RETREG1: variants seen among roughly 807,000 people sequenced by gnomAD.
RETREG1 encodes family with sequence similarity 134 member B.
A neutral mutation model predicts 54.8 loss-of-function variants in RETREG1; 44 were observed. The observed-to-expected ratio is 0.80, with a 90% CI of 0.63 to 1.03. The LOEUF is 1.03. RETREG1 is among the 50% of genes least tolerant of loss of function. The probability of loss-of-function intolerance (pLI) is 0.00; values close to 1 mark genes in which losing one functional copy is unlikely to be tolerated. For missense variants in RETREG1, 554 were observed against 605.1 expected, an observed-to-expected ratio of 0.92 and a Z score of 0.89; for synonymous variants, 217 against 238.5, an observed-to-expected ratio of 0.91 and a Z score of 0.83.
Position 16,474,792 on chromosome 5 carries a change from C to G in RETREG1, c.1443G>C (p.Gln481His), listed in dbSNP as rs768588742. 14 of 1,612,886 alleles carry G rather than the reference C, an allele frequency of 8.7e-6. No individual in the cohort carries two copies. Among genetic ancestry groups the G allele is most frequent in the Non-Finnish European group, 1.1e-5 (13 of 1,179,842 alleles). The change falls in exon 9 of 9, where the codon CAG (glutamine) becomes CAC (histidine). Residue 481 changes from glutamine to histidine, a missense_variant. Gln to His is a conservative substitution (Grantham distance 24). This residue lies in a region of RETREG1 where 30 missense variants were observed against 32.4 expected (regional missense o/e 0.93). Coordinates refer to ENST00000306320, the MANE Select transcript of RETREG1 (RefSeq NM_001034850.3). ...GGAAACCTGAAGACTTCTTATTTTG[C>G]TGTGCTTCTGCTTCCTGGTCTTGTG... ...GLTQDQEAEA[Q>H]QNKKSSGFLS...
At chr5:16,539,031 C>T (rs1006058552) in intron 3 of RETREG1, among the ~76,000 whole-genome samples, 3 of 152,204 alleles carry the variant, frequency 2.0e-5, no homozygotes, top group Admixed American at 6.5e-5. Flanking sequence ...ATCTGTTAGA[C>T]TCACTCTGCA....
At chr5:16,498,403 T>C (rs1231049606) in intron 3 of RETREG1, among the ~76,000 whole-genome samples, 1 of 152,108 alleles carries the variant, frequency 6.6e-6, no homozygotes, top group South Asian at 2.1e-4. Flanking sequence ...ACAATAAAAA[T>C]ACAGAATAAA....
At chr5:16,489,414 C>T (rs1739162942) in intron 3 of RETREG1, among the ~76,000 whole-genome samples, 1 of 152,146 alleles carries the variant, frequency 6.6e-6, no homozygotes, top group African/African-American at 2.4e-5. Flanking sequence ...ACAGTATTCT[C>T]CATTAGGGGG....
intron 3 of RETREG1, among the ~76,000 whole-genome samples, chr5:16,524,316 C>A (rs904551875): frequency 2.0e-5 from 3 of 152,240 alleles, no homozygotes; most frequent in African/African-American, 7.2e-5. Context: ...AAGCCATGAA[C>A]AACAGCCTAC....
intron 3 of RETREG1, among the ~76,000 whole-genome samples, chr5:16,506,477 GTTT>G (rs34135867): frequency 0.26 from 37,342 of 144,440 alleles, 4,808 homozygotes; most frequent in Middle Eastern, 0.32. Context: ...TTGTTTTTTT[GTTT>G]TTTTTTTTTT....
At chr5:16,589,319 T>G (rs975038163) in intron 1 of RETREG1, among the ~76,000 whole-genome samples, 10 of 151,922 alleles carry the variant, frequency 6.6e-5, no homozygotes, top group Non-Finnish European at 1.5e-4. Context: ...CTTGAGTGTT[T>G]TTTTTTTTTT....
At chr5:16,509,431 G>C (rs1740096671) in intron 3 of RETREG1, 1 of 152,206 alleles carries the variant, frequency 6.6e-6, no homozygotes, top group Admixed American at 6.5e-5. Flanking sequence ...GGGGCAGCCT[G>C]ACACTGGCAC....
At chr5:16,483,568 G>C (rs1487947398) in intron 3 of RETREG1, 96 bp from the exon 4 acceptor site, 5 of 1,322,280 alleles carry the variant, frequency 3.8e-6, no homozygotes. Flanking sequence ...TCTACTGTTG[G>C]CCACACCCTC....
chr5:16,605,781 G>C (rs1312643766), intron 1 of RETREG1, among the ~76,000 whole-genome samples: 1 of 152,166 alleles, frequency 6.6e-6, no homozygotes, highest in Admixed American at 6.5e-5. Flanking sequence ...CCTTCTTGCT[G>C]TGTCCTCACA....
intron 1 of RETREG1, among the ~76,000 whole-genome samples, chr5:16,590,584 G>A (rs1238816761): frequency 3.3e-5 from 5 of 152,176 alleles, no homozygotes; most frequent in South Asian, 4.1e-4. Flanking sequence ...AACTCGGGGC[G>A]TGTGTGCTGC....
chr5:16,501,539 T>TTTTA (rs957883653), intron 3 of RETREG1, among the ~76,000 whole-genome samples: 3 of 152,162 alleles, frequency 2.0e-5, no homozygotes, highest in Non-Finnish European at 2.9e-5. Flanking sequence ...ATTTTTTTAT[T>TTTTA]TTTATTTATT....
intron 3 of RETREG1, among the ~76,000 whole-genome samples, chr5:16,484,244 A>ACTCC (rs1473377473): frequency 1.3e-5 from 2 of 151,976 alleles, no homozygotes; most frequent in East Asian, 3.9e-4. Context: ...AGAAACAATC[A>ACTCC]CTCCAGGAAG....
intron 2 of RETREG1, 75 bp downstream of exon 2, chr5:16,571,921 T>C: frequency 9.3e-7 from 1 of 1,079,202 alleles, no homozygotes; most frequent in Non-Finnish European, 1.4e-6. Context: ...AATTGGCTAA[T>C]ATGCCTACAC....
chr5:16,559,472 G>A (rs1240649), intron 3 of RETREG1, among the ~76,000 whole-genome samples: 58,716 of 152,064 alleles, frequency 0.39, 11,743 homozygotes, highest in Middle Eastern at 0.47. Context: ...CACACCGCTA[G>A]GGGCATCTGG....
chr5:16,554,633 A>G (rs1042024061), intron 3 of RETREG1, among the ~76,000 whole-genome samples: 3 of 152,216 alleles, frequency 2.0e-5, no homozygotes, highest in Non-Finnish European at 4.4e-5. Context: ...GTACCAACAT[A>G]CAATTATGAT....
At chr5:16,508,742 G>A (rs1329212645) in intron 3 of RETREG1, 22 of 1,520,708 alleles carry the variant, frequency 1.4e-5, no homozygotes, top group South Asian at 8.8e-5. Context: ...CAGTAGAGAC[G>A]TTCTTTCCTT....
In RETREG1 at chr5:16,562,113, C is replaced by T. The variant is rs972810130; in HGVS notation, c.458+3650G>A. Among the ~76,000 whole-genome samples, 20 of 152,220 alleles carry T rather than the reference C, an allele frequency of 1.3e-4. 1 individual carries two copies. Among genetic ancestry groups the T allele is most frequent in the South Asian group, 2.1e-4 (1 of 4,826 alleles). ...GGCAGATCACCTGAGGTCGGGAGTT[C>T]GAGATCAGCCTAACCAACATGGAGA... On this transcript the variant is annotated intron_variant, in intron 3 of 8. Transcript: ENST00000306320.
intron 3 of RETREG1, among the ~76,000 whole-genome samples, chr5:16,530,291 T>C (rs1740874272): frequency 6.6e-6 from 1 of 152,216 alleles, no homozygotes; most frequent in Non-Finnish European, 1.5e-5. Context: ...CCCAGGGGCA[T>C]TTCTGCCAAG....
intron 3 of RETREG1, among the ~76,000 whole-genome samples, chr5:16,514,904 T>TAC (rs1228384070): frequency 1.4e-5 from 2 of 145,800 alleles, no homozygotes; most frequent in Non-Finnish European, 3.0e-5. Context: ...GGCATGCATA[T>TAC]ATATATATAA....
Sources: gnomAD v4.1 joint callset for allele counts (sites outside exome capture counted in the v4.1 genomes callset) on GRCh38, gnomAD v4.1.1 for gene constraint, gnomAD v4.1.1 regional missense constraint, MANE v1.5 for transcripts, NCBI Gene and HGNC (gene_info 2026-07-23, HGNC 2026-07-21) for gene names.